APIP: variants seen among roughly 807,000 people sequenced by gnomAD.
The protein encoded by APIP is methylthioribulose-1-phosphate dehydratase.
APIP carries 32 observed loss-of-function variants against 32.0 expected under a neutral mutation model. The observed-to-expected ratio is 1.00, with a 90% CI of 0.76 to 1.34. APIP has a LOEUF of 1.34. Ranked by LOEUF, APIP falls within the 40% of genes most tolerant of loss-of-function variation. The pLI is 0.00. For synonymous variants in APIP, 92 were observed against 94.8 expected (o/e 0.97, Z 0.17); for missense variants, 247 against 298.6 (o/e 0.83, Z 1.27).
intron 5 of APIP, among the ~76,000 whole-genome samples, chr11:34,887,056 G>C (rs1853085641): frequency 6.6e-6 from 1 of 152,032 alleles, no homozygotes. Flanking sequence ...CCTTTCTTTT[G>C]ATTAGACTCA....
At chr11:34,901,557 T>C (rs1305832407) in intron 1 of APIP, among the ~76,000 whole-genome samples, 1 of 152,194 alleles carries the variant, frequency 6.6e-6, no homozygotes, top group Non-Finnish European at 1.5e-5. Flanking sequence ...CCTCTTCCCA[T>C]AGTATGACTA....
chr11:34,894,003 T>C (rs976173951), intron 2 of APIP, among the ~76,000 whole-genome samples: 2 of 152,180 alleles, frequency 1.3e-5, no homozygotes, highest in Non-Finnish European at 2.9e-5. Flanking sequence ...CTCCAGACAA[T>C]AATATTCCTA....
At chr11:34,916,045 G>C (rs989876829) in intron 1 of APIP, 183 bp downstream of exon 1, 13 of 744,084 alleles carry the variant, frequency 1.7e-5, no homozygotes, top group Non-Finnish European at 2.7e-5. Flanking sequence ...TGATCTCCTG[G>C]GGCCTCGCAG....
intron 1 of APIP, among the ~76,000 whole-genome samples, chr11:34,901,577 T>C (rs1421049173): frequency 6.6e-6 from 1 of 152,174 alleles, no homozygotes; most frequent in Admixed American, 6.5e-5. Flanking sequence ...ATAAGGGGTG[T>C]CTCAGGAAAA....
At chr11:34,893,000 G>A (rs1172893410) in intron 2 of APIP, among the ~76,000 whole-genome samples, 3 of 152,120 alleles carry the variant, frequency 2.0e-5, no homozygotes, top group South Asian at 4.1e-4. Flanking sequence ...TCCAAATACA[G>A]TGCCATGTGA....
At chr11:34,913,876 G>C (rs919401561) in intron 1 of APIP, among the ~76,000 whole-genome samples, 11 of 152,088 alleles carry the variant, frequency 7.2e-5, no homozygotes, top group Non-Finnish European at 1.3e-4. Flanking sequence ...GTCCCCATCC[G>C]ACCCAGAAGC....
intron 1 of APIP, among the ~76,000 whole-genome samples, chr11:34,898,591 G>A (rs1053490357): frequency 1.6e-4 from 24 of 151,720 alleles, no homozygotes; most frequent in Non-Finnish European, 2.4e-4. Context: ...TCTGATGTGC[G>A]GGAATTTAGT....
chr11:34,893,456 A>T (rs994025230), intron 2 of APIP, among the ~76,000 whole-genome samples: 3 of 152,218 alleles, frequency 2.0e-5, no homozygotes, highest in African/African-American at 7.2e-5. Context: ...TATTACTGGG[A>T]CTCAACTTCT....
chr11:34,916,204 G>A, intron 1 of APIP, 24 bp downstream of exon 1: 2 of 1,604,524 alleles, frequency 1.2e-6, no homozygotes, highest in Non-Finnish European at 1.7e-6. Flanking sequence ...TGGGAATACC[G>A]GGCACCGGTG....
chr11:34,896,193 G>A (rs1044090302), intron 1 of APIP, among the ~76,000 whole-genome samples: 52 of 152,294 alleles, frequency 3.4e-4, no homozygotes, highest in Non-Finnish European at 3.5e-4. Context: ...ACAGTGTGGC[G>A]ATTCCTCAAG....
At chr11:34,900,583 C>T (rs953349077) in intron 1 of APIP, among the ~76,000 whole-genome samples, 7 of 152,098 alleles carry the variant, frequency 4.6e-5, no homozygotes, top group East Asian at 3.9e-4. Context: ...GTTGCTGCTA[C>T]GTCAGACCCT....
intron 1 of APIP, among the ~76,000 whole-genome samples, chr11:34,897,919 C>G (rs920457148): frequency 2.6e-5 from 4 of 152,172 alleles, no homozygotes; most frequent in Admixed American, 6.5e-5. Context: ...CTAATAGAAC[C>G]GACTGTTTTC....
chr11:34,908,084 C>T (rs1260417758), intron 1 of APIP, among the ~76,000 whole-genome samples: 3 of 152,172 alleles, frequency 2.0e-5, no homozygotes, highest in Non-Finnish European at 4.4e-5. Flanking sequence ...AATGGGGAAA[C>T]TAGTAAGATG....
intron 2 of APIP, among the ~76,000 whole-genome samples, chr11:34,893,141 C>T (rs1853207556): frequency 6.6e-6 from 1 of 152,062 alleles, no homozygotes; most frequent in Non-Finnish European, 1.5e-5. Context: ...AAAAGATGCG[C>T]CAATGAGTGG....
chr11:34,898,305 G>C (rs899602635), intron 1 of APIP, among the ~76,000 whole-genome samples: 1 of 152,142 alleles, frequency 6.6e-6, no homozygotes, highest in African/African-American at 2.4e-5. Flanking sequence ...TAAGGCCTCA[G>C]ATGTTAGGCT....
intron 1 of APIP, among the ~76,000 whole-genome samples, chr11:34,907,698 T>G (rs1419429679): frequency 6.6e-6 from 1 of 152,230 alleles, no homozygotes; most frequent in Non-Finnish European, 1.5e-5. Context: ...CTATTATTGT[T>G]AGATCTGGTT....
intron 1 of APIP, among the ~76,000 whole-genome samples, chr11:34,914,830 C>T (rs1853632628): frequency 6.6e-6 from 1 of 151,804 alleles, no homozygotes; most frequent in Admixed American, 6.6e-5. Context: ...ATGGTGAAAC[C>T]CAGTCTCTAC....
intron 5 of APIP, among the ~76,000 whole-genome samples, chr11:34,884,556 C>A (rs1853026292): frequency 6.6e-6 from 1 of 152,120 alleles, no homozygotes; most frequent in Non-Finnish European, 1.5e-5. Flanking sequence ...GAAACCCCAT[C>A]TGTACAAAAA....
chr11:34,915,001 C>CAAAAAAAAAAAAAAAAAAAAAAA (rs33914497), intron 1 of APIP, among the ~76,000 whole-genome samples: 1 of 76,384 alleles, frequency 1.3e-5, no homozygotes, highest in Non-Finnish European at 2.6e-5. Flanking sequence ...CAAAACGTGT[C>CAAAAAAAAAAAAAAAAAAAAAAA]AAAAAAAAAA....
Sources: allele counts gnomAD v4.1 joint callset (sites outside exome capture counted in the v4.1 genomes callset), GRCh38; gene constraint gnomAD v4.1.1; transcripts MANE v1.5; gene names NCBI Gene and HGNC (gene_info 2026-07-23, HGNC 2026-07-21).